The following SLC9C1 variants were observed in gnomAD, a reference collection of about 807,000 sequenced individuals.
The protein encoded by SLC9C1 is solute carrier family 9 member C1.
A neutral mutation model predicts 140.9 loss-of-function variants in SLC9C1; 97 were observed. That is an observed-to-expected ratio of 0.69 (90% CI 0.58 to 0.82). The LOEUF is 0.82. SLC9C1 is among the 40% of genes least tolerant of loss of function. The pLI is 0.00. For missense variants in SLC9C1, 1,340 were observed against 1,389.3 expected, an observed-to-expected ratio of 0.96 and a Z score of 0.56; for synonymous variants, 440 against 442.6, an observed-to-expected ratio of 0.99 and a Z score of 0.07.
chr3:112,191,132 A>C (rs529584531), intron 20 of SLC9C1, among the ~76,000 whole-genome samples: 1 of 152,226 alleles, frequency 6.6e-6, no homozygotes, highest in South Asian at 2.1e-4. Context: ...TCTCTATATG[A>C]GATCATGTCA....
intron 23 of SLC9C1, among the ~76,000 whole-genome samples, chr3:112,174,600 T>C (rs2077302971): frequency 6.6e-6 from 1 of 152,170 alleles, no homozygotes; most frequent in Non-Finnish European, 1.5e-5. Context: ...CTGTTCTACT[T>C]TCATGAGCTG....
chr3:112,263,121 C>T (rs1183705358), intron 9 of SLC9C1, 23 bp from the exon 10 acceptor site: 8 of 1,537,834 alleles, frequency 5.2e-6, no homozygotes, highest in Non-Finnish European at 7.0e-6. Context: ...ACAATTTTTA[C>T]AAAGTTATTC....
At chr3:112,224,417 A>C (rs1219115076) in intron 13 of SLC9C1, among the ~76,000 whole-genome samples, 1 of 152,174 alleles carries the variant, frequency 6.6e-6, no homozygotes, top group African/African-American at 2.4e-5. Context: ...ATGAAAAAGC[A>C]ATAAAATATC....
chr3:112,293,555 C>A (rs1277672748), intron 1 of SLC9C1, among the ~76,000 whole-genome samples: 1 of 152,178 alleles, frequency 6.6e-6, no homozygotes, highest in Non-Finnish European at 1.5e-5. Context: ...ATCTTCACAG[C>A]TACAAAGCTC....
chr3:112,194,804 T>C (rs79654218), intron 20 of SLC9C1, among the ~76,000 whole-genome samples: 1 of 143,482 alleles, frequency 7.0e-6, no homozygotes, highest in Admixed American at 7.0e-5. Flanking sequence ...TGATATTTTC[T>C]TTTTTTTTTT....
chr3:112,211,095 GTA>G (rs1438739034), intron 15 of SLC9C1, among the ~76,000 whole-genome samples: 29 of 151,958 alleles, frequency 1.9e-4, no homozygotes, highest in Admixed American at 1.8e-3. Context: ...CTTACTTTAG[GTA>G]TGTTTGTGAG....
chr3:112,242,148 A>T (rs1471207052), intron 11 of SLC9C1, among the ~76,000 whole-genome samples: 1 of 152,212 alleles, frequency 6.6e-6, no homozygotes, highest in Non-Finnish European at 1.5e-5. Context: ...CTATTAATAG[A>T]GTAAACAGAC....
At position 112,167,348 on chromosome 3, in the gene SLC9C1, C is replaced by G; in HGVS notation, c.3238-1G>C. On this transcript the variant is annotated splice_acceptor_variant, in intron 25 of 28. Coordinates refer to ENST00000305815, the MANE Select transcript of SLC9C1 (RefSeq NM_183061.3). LOFTEE classifies it high-confidence loss of function. ...TTGTGAAATCTTCAATACTTTGTAT[C>G]TGAAAGTTGACAGAATGCAAGTTAA... 1 of 1,580,744 alleles carries G rather than the reference C, an allele frequency of 6.3e-7. No individual in the cohort carries two copies. Among genetic ancestry groups the G allele is most frequent in the Non-Finnish European group, 8.6e-7 (1 of 1,166,264 alleles).
At chr3:112,153,140 A>AGATG (rs2075031447) in intron 27 of SLC9C1, among the ~76,000 whole-genome samples, 1 of 152,170 alleles carries the variant, frequency 6.6e-6, no homozygotes, top group East Asian at 1.9e-4. Flanking sequence ...AGCATCTACT[A>AGATG]AACAACACAA....
At position 112,286,857 on chromosome 3, in the gene SLC9C1, G is replaced by A; in HGVS notation, c.-66C>T. 2 of 1,057,404 alleles carry A rather than the reference G, an allele frequency of 1.9e-6. No individual in the cohort carries two copies. Among genetic ancestry groups the A allele is most frequent in the Non-Finnish European group, 2.8e-6 (2 of 725,558 alleles). 65.5% of individuals were successfully genotyped at this position (1,057,404 alleles called of 1,614,324 possible). Reference sequence around the variant, plus strand: ...TCTCCATATGATCATCCATCTTGTTGTTTTTCACAGTCCATCTGAATCTAA... The same window carrying A: ...TCTCCATATGATCATCCATCTTGTTATTTTTCACAGTCCATCTGAATCTAA... On this transcript the variant is annotated 5_prime_UTR_variant, in exon 2 of 29. The change creates a premature stop within an existing upstream ORF in the 5' untranslated region. Coordinates refer to ENST00000305815, the MANE Select transcript of SLC9C1 (RefSeq NM_183061.3).
chr3:112,152,456 A>G lies in SLC9C1; in HGVS notation c.3418-493T>C, dbSNP rs189652311. Among the ~76,000 whole-genome samples, 679 of 152,248 alleles carry G rather than the reference A, an allele frequency of 4.5e-3. 3 individuals carry two copies. The highest frequency in any genetic ancestry group is 7.5e-3 in the Non-Finnish European group (507 of 67,994). On this transcript the variant is annotated intron_variant, in intron 27 of 28. Coordinates refer to ENST00000305815, the MANE Select transcript of SLC9C1 (RefSeq NM_183061.3). ...TCTCCTATCTCAGAAAATAGAATGT[A>G]TGATCGGGTTTTACACCGAGACATT...
chr3:112,282,605 C>G (rs191739011), intron 2 of SLC9C1, among the ~76,000 whole-genome samples: 2 of 152,068 alleles, frequency 1.3e-5, no homozygotes, highest in African/African-American at 4.8e-5. Context: ...CACCTTCTCA[C>G]TTTTTTGTCC....
At chr3:112,160,287 T>C (rs1412873909) in intron 26 of SLC9C1, among the ~76,000 whole-genome samples, 3 of 151,892 alleles carry the variant, frequency 2.0e-5, no homozygotes, top group African/African-American at 7.2e-5. Flanking sequence ...TTTATTATTA[T>C]ACTTTAAGTT....
chr3:112,275,846 G>GT (rs1486613545), intron 5 of SLC9C1, among the ~76,000 whole-genome samples: 1 of 152,122 alleles, frequency 6.6e-6, no homozygotes, highest in African/African-American at 2.4e-5. Context: ...GCCCTTCGCT[G>GT]TAAGACTTGG....
intron 20 of SLC9C1, among the ~76,000 whole-genome samples, chr3:112,192,328 A>G (rs2077680789): frequency 6.6e-6 from 1 of 152,168 alleles, no homozygotes. Context: ...TTCTCTAAAT[A>G]CCTTATATAA....
At chr3:112,275,918 T>G (rs1160823608) in intron 5 of SLC9C1, among the ~76,000 whole-genome samples, 2 of 151,910 alleles carry the variant, frequency 1.3e-5, no homozygotes, top group Admixed American at 1.3e-4. Flanking sequence ...GAGCAGAAAA[T>G]TTCTGCCTCC....
At chr3:112,266,215 GT>G (rs1193364302) in intron 8 of SLC9C1, 22 bp downstream of exon 8, 2 of 1,502,360 alleles carry the variant, frequency 1.3e-6, no homozygotes, top group Non-Finnish European at 1.8e-6. Context: ...ATGAAATAAA[GT>G]CAAAATATGC....
At chr3:112,179,387 G>A (rs552901129) in intron 23 of SLC9C1, 144 bp downstream of exon 23, 36 of 850,626 alleles carry the variant, frequency 4.2e-5, no homozygotes, top group East Asian at 1.2e-4. Context: ...AGTGTAATTC[G>A]GCAAGTTTTG....
intron 28 of SLC9C1, among the ~76,000 whole-genome samples, chr3:112,148,545 A>T (rs2074869263): frequency 6.6e-6 from 1 of 152,024 alleles, no homozygotes; most frequent in South Asian, 2.1e-4. Context: ...TTGCTACTGT[A>T]GCTCTATGTC....
Sources: allele counts gnomAD v4.1 joint callset (sites outside exome capture counted in the v4.1 genomes callset), GRCh38; gene constraint gnomAD v4.1.1; transcripts MANE v1.5; gene names NCBI Gene and HGNC (gene_info 2026-07-23, HGNC 2026-07-21).